The following GPC6 variants were observed in gnomAD, a reference collection of about 807,000 sequenced individuals.
GPC6 encodes glypican 6, also known as glypican-6.
In GPC6, 14 loss-of-function variants were observed where a neutral mutation model predicts 55.2. That is an observed-to-expected ratio of 0.25 (90% CI 0.17 to 0.40). GPC6 has a LOEUF of 0.40. Ranked by LOEUF, GPC6 falls within the 10% of genes least tolerant of loss-of-function variation. The pLI is 1.00. For synonymous variants in GPC6, 278 were observed against 259.6 expected, an observed-to-expected ratio of 1.07 and a Z score of -0.68; for missense variants, 641 against 708.5, an observed-to-expected ratio of 0.90 and a Z score of 1.08.
rs111963789 is a variant in GPC6 at position 93,674,159 on chromosome 13, A to G, written c.319+128738A>G. 2.4e-3 allele frequency among the ~76,000 whole-genome samples: 368 copies of G among 152,268 alleles called. 1 individual carries two copies. Among genetic ancestry groups the G allele is most frequent in the Admixed American group, 3.6e-3 (55 of 15,280 alleles). ...TAACCTAACAATCAGTTTTGGATTTAGGTCATCAGGCTGCGTGTGGTAGAA... is the reference window on the plus strand; with the variant it reads ...TAACCTAACAATCAGTTTTGGATTTGGGTCATCAGGCTGCGTGTGGTAGAA... On this transcript the variant is annotated intron_variant, in intron 2 of 8. Coordinates refer to ENST00000377047, the MANE Select transcript of GPC6 (RefSeq NM_005708.5).
chr13:94,294,450 A>C (rs1008106456), intron 5 of GPC6, among the ~76,000 whole-genome samples: 2 of 151,618 alleles, frequency 1.3e-5, no homozygotes, highest in Non-Finnish European at 2.9e-5. Context: ...AAAAAAAAAA[A>C]AAAAAACCCT....
intron 3 of GPC6, among the ~76,000 whole-genome samples, chr13:93,833,286 C>T (rs541801929): frequency 2.6e-5 from 4 of 152,096 alleles, no homozygotes; most frequent in South Asian, 4.2e-4. Flanking sequence ...GGTCTAGAGC[C>T]GACTAAACTA....
At chr13:93,694,090 A>ATAATTGG (rs1882359114) in intron 2 of GPC6, among the ~76,000 whole-genome samples, 1 of 152,210 alleles carries the variant, frequency 6.6e-6, no homozygotes, top group Admixed American at 6.5e-5. Context: ...GAGAAACAGC[A>ATAATTGG]ACACATCTGA....
At chr13:93,254,152 G>C (rs1169634379) in intron 1 of GPC6, among the ~76,000 whole-genome samples, 3 of 152,038 alleles carry the variant, frequency 2.0e-5, no homozygotes, top group Non-Finnish European at 4.4e-5. Context: ...GTAAGACCCT[G>C]TCTCTACAAA....
chr13:94,013,774 T>C (rs935555772), intron 3 of GPC6, among the ~76,000 whole-genome samples: 1 of 152,222 alleles, frequency 6.6e-6, no homozygotes, highest in African/African-American at 2.4e-5. Flanking sequence ...ATAATCTTAT[T>C]TCCTATGTCC....
intron 4 of GPC6, among the ~76,000 whole-genome samples, chr13:94,101,192 T>C (rs1885843231): frequency 6.6e-6 from 1 of 152,244 alleles, no homozygotes; most frequent in Admixed American, 6.5e-5. Context: ...TTATTTGTTC[T>C]CAGTTCAAGG....
chr13:94,172,117 G>T (rs112031183), intron 4 of GPC6, among the ~76,000 whole-genome samples: 1,735 of 152,222 alleles, frequency 0.011, 15 homozygotes, highest in Non-Finnish European at 0.017. Context: ...AGGCACAGGG[G>T]CAATGATTAA....
chr13:93,994,575 T>C (rs1421588394), intron 3 of GPC6, among the ~76,000 whole-genome samples: 2 of 152,142 alleles, frequency 1.3e-5, no homozygotes, highest in Admixed American at 6.6e-5. Context: ...GCAGAGGAGA[T>C]GGAAATTAGG....
chr13:93,564,479 A>T (rs1410653918), intron 2 of GPC6, among the ~76,000 whole-genome samples: 1 of 152,168 alleles, frequency 6.6e-6, no homozygotes, highest in East Asian at 1.9e-4. Context: ...TATTTTAAAG[A>T]AGAACAATGC....
intron 2 of GPC6, among the ~76,000 whole-genome samples, chr13:93,608,986 C>T (rs1878354623): frequency 6.6e-6 from 1 of 152,146 alleles, no homozygotes; most frequent in Non-Finnish European, 1.5e-5. Flanking sequence ...GTTTGAGTAT[C>T]TATTGGTAAA....
At chr13:93,937,789 G>A (rs977681216) in intron 3 of GPC6, among the ~76,000 whole-genome samples, 1 of 152,104 alleles carries the variant, frequency 6.6e-6, no homozygotes, top group African/African-American at 2.4e-5. Context: ...ATGTTGGCCA[G>A]GCTGGTCTCG....
At chr13:93,342,086 G>C (rs536420831) in intron 1 of GPC6, among the ~76,000 whole-genome samples, 1 of 151,834 alleles carries the variant, frequency 6.6e-6, no homozygotes, top group Non-Finnish European at 1.5e-5. Context: ...AGCCAGGATG[G>C]TCTCAATCTC....
intron 3 of GPC6, among the ~76,000 whole-genome samples, chr13:93,929,651 G>A (rs1460364315): frequency 1.3e-5 from 2 of 152,008 alleles, no homozygotes; most frequent in African/African-American, 4.8e-5. Context: ...CCCTGAAGGA[G>A]TTCAGGGTCT....
At chr13:94,061,404 G>A (rs1032317130) in intron 4 of GPC6, among the ~76,000 whole-genome samples, 26 of 152,276 alleles carry the variant, frequency 1.7e-4, no homozygotes, top group Non-Finnish European at 3.5e-4. Flanking sequence ...GATTTGCAGT[G>A]ATTTGCACTC....
intron 4 of GPC6, among the ~76,000 whole-genome samples, chr13:94,072,514 C>T (rs1013780110): frequency 3.3e-5 from 5 of 152,248 alleles, no homozygotes; most frequent in East Asian, 1.9e-4. Flanking sequence ...CTGCCACGTC[C>T]GGCTAATTTT....
intron 2 of GPC6, among the ~76,000 whole-genome samples, chr13:93,595,313 T>G (rs1233671214): frequency 6.6e-6 from 1 of 152,156 alleles, no homozygotes; most frequent in Non-Finnish European, 1.5e-5. Flanking sequence ...CAATCCTATG[T>G]GGTGAATTGA....
intron 1 of GPC6, among the ~76,000 whole-genome samples, chr13:93,265,160 A>G (rs1356870679): frequency 6.6e-6 from 1 of 152,262 alleles, no homozygotes; most frequent in Non-Finnish European, 1.5e-5. Context: ...AGGAAATTAT[A>G]GTAAGATATA....
At chr13:94,146,043 G>T (rs1887552403) in intron 4 of GPC6, among the ~76,000 whole-genome samples, 1 of 152,146 alleles carries the variant, frequency 6.6e-6, no homozygotes, top group Non-Finnish European at 1.5e-5. Context: ...AGTAACCAAT[G>T]ACATTCATTC....
intron 1 of GPC6, among the ~76,000 whole-genome samples, chr13:93,228,918 A>G (rs1875915551): frequency 1.3e-5 from 2 of 152,210 alleles, no homozygotes; most frequent in Admixed American, 1.3e-4. Flanking sequence ...TTTTACTTAC[A>G]CTGAAATGAA....
Sources: gnomAD v4.1 joint callset for allele counts (sites outside exome capture counted in the v4.1 genomes callset) on GRCh38, gnomAD v4.1.1 for gene constraint, MANE v1.5 for transcripts, NCBI Gene and HGNC (gene_info 2026-07-23, HGNC 2026-07-21) for gene names.